Variants in KLHL21 observed in about 807,000 individuals in gnomAD.
KLHL21 encodes the protein kelch-like protein 21.
KLHL21 carries 42 observed loss-of-function variants against 44.1 expected under a neutral mutation model. The ratio of observed to expected loss-of-function variants is 0.95; its 90% CI spans 0.74 to 1.23. The LOEUF is 1.23. Ranked by LOEUF, KLHL21 falls within the 50% of genes most tolerant of loss-of-function variation. The pLI is 0.00. For synonymous variants in KLHL21, 524 were observed against 411.6 expected, an observed-to-expected ratio of 1.27 and a Z score of -3.31; for missense variants, 918 against 889.1, an observed-to-expected ratio of 1.03 and a Z score of -0.41.
chr1:6,597,165 C>T (rs1418366190), intron 2 of KLHL21, among the ~76,000 whole-genome samples: 2 of 152,242 alleles, frequency 1.3e-5, no homozygotes, highest in African/African-American at 2.4e-5. Flanking sequence ...TTCCAGAGCA[C>T]TGCCTCCTCC....
At chr1:6,594,993 G>A (rs2235566) in intron 3 of KLHL21, 62,293 of 199,450 alleles carry the variant, frequency 0.31, 10,250 homozygotes, top group South Asian at 0.43. Context: ...AGGAGGTGGA[G>A]GCTGCAGTGA....
chr1:6,599,168 T>A lies in KLHL21; in HGVS notation c.1306A>T (p.Met436Leu). ...TCCGGGTCGTAGCACTGCATCACCA[T>A]GGTCTCCTTGCCAGCCAGGGAGCCG... ...AIGSLAGKET[M>L]VMQCYDPDTD... Residue 436 changes from methionine (M) to leucine (L), a missense_variant, in exon 2 of 4, where the codon ATG (methionine) becomes TTG (leucine). Transcript: ENST00000377658. The A allele has an allele frequency of 1.9e-6, 3 of 1,614,080 alleles. No individual in the cohort carries two copies. Among genetic ancestry groups the A allele is most frequent in the Non-Finnish European group, 2.5e-6 (3 of 1,180,042 alleles).
chr1:6,597,918 C>T (rs1640949851), intron 2 of KLHL21, among the ~76,000 whole-genome samples: 2 of 152,210 alleles, frequency 1.3e-5, no homozygotes, highest in Admixed American at 6.5e-5. Context: ...ATCATTGATG[C>T]CCAGAAACCA....
chr1:6,593,661 G>A lies in KLHL21; in HGVS notation c.1501-3C>T. On this transcript the variant is annotated splice_polypyrimidine_tract_variant and splice_region_variant and intron_variant, in intron 3 of 3. Coordinates refer to ENST00000377658, the MANE Select transcript of KLHL21 (RefSeq NM_014851.4). The stretch of plus-strand genomic sequence containing the variant: ...GCCAGGCTGCCCCCCACATGTACCT[G>A]TGGGCCAAAGGGATGAGTGAGTGGA... The A allele has an allele frequency of 1.9e-6, 3 of 1,566,664 alleles. No homozygotes were observed. The highest frequency in any genetic ancestry group is 1.8e-5 in the Admixed American group (1 of 55,934).
At chr1:6,597,606 GTTC>G (rs1640945864) in intron 2 of KLHL21, among the ~76,000 whole-genome samples, 1 of 152,144 alleles carries the variant, frequency 6.6e-6, no homozygotes, top group Admixed American at 6.5e-5. Flanking sequence ...CGCCACCCCT[GTTC>G]TTCTTGGTGC....
In KLHL21 at chr1:6,593,326, A is replaced by T. The variant is rs770370942; in HGVS notation, c.*39T>A. The T allele has an allele frequency of 9.8e-6, 15 of 1,525,384 alleles. No individual in the cohort carries two copies. The South Asian group carries it at 1.5e-4, about 15-fold the overall frequency. The allele number at this position is 1,525,384 out of a possible 1,614,324, so 94.5% of individuals were successfully genotyped here. ...TGGGGCACTGCCCCGCAGAGGTGCCAGTTACCTGCACCGAGGCCCGTGCCG... is the reference window on the plus strand; with the variant it reads ...TGGGGCACTGCCCCGCAGAGGTGCCTGTTACCTGCACCGAGGCCCGTGCCG... On this transcript the variant is annotated 3_prime_UTR_variant, in exon 4 of 4. Transcript: ENST00000377658.
Position 6,601,346 on chromosome 1 carries a change from CAA to C in KLHL21, c.1021+449_1021+450del, listed in dbSNP as rs1213307225. ...CCAAGGGAACCTTGTCACCGGGTGACAAAGAGTGAGTCAGGGGGCCCGGTGTG... is the reference window on the plus strand; with the variant it reads ...CCAAGGGAACCTTGTCACCGGGTGACAGAGTGAGTCAGGGGGCCCGGTGTG... On this transcript the variant is annotated intron_variant, in intron 1 of 3. Transcript: ENST00000377658. 3.3e-5 allele frequency among the ~76,000 whole-genome samples: 5 copies of C among 152,298 alleles called. No individual in the cohort carries two copies. The South Asian group carries it at 1.0e-3, about 32-fold the overall frequency.
chr1:6,596,133 C>T (rs1465465866), intron 2 of KLHL21, among the ~76,000 whole-genome samples: 2 of 152,246 alleles, frequency 1.3e-5, no homozygotes, highest in Non-Finnish European at 2.9e-5. Context: ...GGCACTGTGG[C>T]TCACGCCTGT....
Position 6,593,428 on chromosome 1 carries a change from A to C in KLHL21, c.1731T>G (p.Ser577Arg). 6.2e-7 allele frequency: 1 copy of C among 1,612,426 alleles called. No homozygotes were observed. The highest frequency in any genetic ancestry group is 8.5e-7 in the Non-Finnish European group (1 of 1,179,492). Residue 577 changes from serine to arginine, a missense_variant, in exon 4 of 4, where the codon AGT becomes AGG. Transcript: ENST00000377658. ...FSGGRGFELD[S>R]GSDDMDPGRP... ...GGCCTGGGTCCATGTCATCGCTGCC[A>C]CTGTCCAACTCGAAGCCACGCCCAC...
chr1:6,598,828 A>G (rs1263167619), intron 2 of KLHL21, among the ~76,000 whole-genome samples: 1 of 152,244 alleles, frequency 6.6e-6, no homozygotes, highest in Non-Finnish European at 1.5e-5. Context: ...GCTTGCAGTG[A>G]GCTGAGATTG....
At chr1:6,595,924 T>C (rs1308845347) in intron 2 of KLHL21, among the ~76,000 whole-genome samples, 1 of 152,148 alleles carries the variant, frequency 6.6e-6, no homozygotes, top group Non-Finnish European at 1.5e-5. Flanking sequence ...CTTGCTCCAC[T>C]GTGCATCCCC....
chr1:6,595,142 G>A, intron 3 of KLHL21: 1 of 543,056 alleles, frequency 1.8e-6, no homozygotes, highest in South Asian at 2.5e-5. Context: ...ACACGCCAGG[G>A]TGCCCTGCTG....
At position 6,590,863 on chromosome 1, in the gene KLHL21, A is replaced by G. The variant is rs1640837699; in HGVS notation, c.*2502T>C. ...ACCCTCTGGGGTGAACTGGATGTGG[A>G]CACTGGAGGGAGGGCGTCCTTTATT... On this transcript the variant is annotated 3_prime_UTR_variant, in exon 4 of 4. Coordinates refer to ENST00000377658, the MANE Select transcript of KLHL21 (RefSeq NM_014851.4). 1 of 398,466 alleles carries G rather than the reference A, an allele frequency of 2.5e-6. No homozygotes were observed. The highest frequency in any genetic ancestry group is 4.4e-6 in the Non-Finnish European group (1 of 226,024). 24.7% of individuals were successfully genotyped at this position (398,466 alleles called of 1,614,324 possible). A position where few individuals can be genotyped will look rare whatever the true frequency, so the allele number is the denominator to read the frequency against.
chr1:6,594,083 C>A, intron 3 of KLHL21: 1 of 1,005,700 alleles, frequency 9.9e-7, no homozygotes, highest in East Asian at 1.0e-4. Flanking sequence ...CCATCTTTCC[C>A]AAATTCGCTA....
At position 6,599,168 on chromosome 1, in the gene KLHL21, T is replaced by C. The variant is rs781498788; in HGVS notation, c.1306A>G (p.Met436Val). Residue 436 changes from methionine to valine, a missense_variant, in exon 2 of 4, where the codon ATG (methionine) becomes GTG (valine). Coordinates refer to ENST00000377658, the MANE Select transcript of KLHL21 (RefSeq NM_014851.4). ...TCCGGGTCGTAGCACTGCATCACCA[T>C]GGTCTCCTTGCCAGCCAGGGAGCCG... is the stretch of plus-strand genomic sequence containing the variant. Reference protein sequence around the residue: ...AIGSLAGKETMVMQCYDPDTD... With the variant: ...AIGSLAGKETVVMQCYDPDTD... The C allele has an allele frequency of 6.2e-7, 1 of 1,614,080 alleles. No individual in the cohort carries two copies. The highest frequency in any genetic ancestry group is 8.5e-7 in the Non-Finnish European group (1 of 1,180,042).
At chr1:6,600,858 CAG>C (rs1641006412) in intron 1 of KLHL21, among the ~76,000 whole-genome samples, 1 of 152,202 alleles carries the variant, frequency 6.6e-6, no homozygotes. Context: ...AGGCTGGACT[CAG>C]AGCAGCAGGC....
chr1:6,602,437 G>C lies in KLHL21; in HGVS notation c.381C>G (p.Ala127=). 1.3e-6 allele frequency: 2 copies of C among 1,591,750 alleles called. No homozygotes were observed. Among genetic ancestry groups the C allele is most frequent in the South Asian group, 2.3e-5 (2 of 88,592 alleles). ...QFPAVKEACG[A]FLQQQLDLAN... is the part of the protein sequence containing the mutation. Reference sequence around the variant, plus strand: ...CCAGGTCGAGCTGCTGCTGCAGGAAGGCCCCGCACGCCTCCTTCACGGCCG... The same window carrying C: ...CCAGGTCGAGCTGCTGCTGCAGGAACGCCCCGCACGCCTCCTTCACGGCCG... The change falls in exon 1 of 4, where the codon GCC becomes GCG. Residue 127 remains alanine, a synonymous_variant. Coordinates refer to ENST00000377658, the MANE Select transcript of KLHL21 (RefSeq NM_014851.4).
At chr1:6,595,427 TG>T (rs1234458192) in intron 3 of KLHL21, 57 bp downstream of exon 3, 1 of 1,521,276 alleles carries the variant, frequency 6.6e-7, no homozygotes, top group African/African-American at 1.4e-5. Context: ...CGATGACACT[TG>T]GGTTGCAAAA....
rs1385642581 is a variant in KLHL21 at position 6,591,989 on chromosome 1, G to C, written c.*1376C>G. On this transcript the variant is annotated 3_prime_UTR_variant, in exon 4 of 4. Coordinates refer to ENST00000377658, the MANE Select transcript of KLHL21 (RefSeq NM_014851.4). ...GAACTGTGGTCATACCAGCCAGGGC[G>C]TTCTAGGACAAGACTTCCTAACCCG... is the stretch of plus-strand genomic sequence containing the variant. 2.6e-5 allele frequency: 4 copies of C among 152,310 alleles called. No individual in the cohort carries two copies. Among genetic ancestry groups the C allele is most frequent in the Admixed American group, 2.0e-4 (3 of 15,284 alleles). The allele number at this position is 152,310 out of a possible 1,614,324, so 9.4% of individuals were successfully genotyped here. A position where few individuals can be genotyped will look rare whatever the true frequency, so the allele number is the denominator to read the frequency against.
Sources: gnomAD v4.1 joint callset for allele counts (sites outside exome capture counted in the v4.1 genomes callset) on GRCh38, gnomAD v4.1.1 for gene constraint, MANE v1.5 for transcripts, NCBI Gene and HGNC (gene_info 2026-07-23, HGNC 2026-07-21) for gene names.